CIROZ: variants seen among roughly 807,000 people sequenced by gnomAD.
The protein encoded by CIROZ is ciliated left-right organizer protein containing ZP-N domains.
At chr1:10,955,213 G>A in the CIROZ span, 1 of 1,570,748 alleles carries the variant, frequency 6.4e-7, no homozygotes, top group Non-Finnish European at 8.7e-7. Flanking sequence ...ACAGGACACA[G>A]AAAAAGGCAC....
At chr1:10,949,514 G>A in the CIROZ span, 1 of 1,210,652 alleles carries the variant, frequency 8.3e-7, no homozygotes, top group South Asian at 1.3e-5. Flanking sequence ...CTCTTTGGAA[G>A]AATGGTGGTG....
chr1:10,957,875 T>C, the CIROZ span: 2 of 1,177,072 alleles, frequency 1.7e-6, no homozygotes, highest in Non-Finnish European at 1.2e-6. Context: ...GAGGATAATC[T>C]AGGCCAGGAG....
chr1:10,981,951 G>A, the CIROZ span: 109 of 1,526,952 alleles, frequency 7.1e-5, no homozygotes, highest in Non-Finnish European at 9.1e-5. Flanking sequence ...CTTCTTCAAG[G>A]AGTGTGGGCA....
At chr1:10,969,722 G>A in the CIROZ span, among the ~76,000 whole-genome samples, 1 of 152,206 alleles carries the variant, frequency 6.6e-6, no homozygotes, top group Non-Finnish European at 1.5e-5. Context: ...GAAGAGGGGC[G>A]CAGATGACAA....
the CIROZ span, among the ~76,000 whole-genome samples, chr1:10,970,815 A>T: frequency 6.6e-6 from 1 of 151,362 alleles, no homozygotes; most frequent in Non-Finnish European, 1.5e-5. Flanking sequence ...TATGTTTTAT[A>T]GGGGGAGACA....
At chr1:10,948,663 T>C in the CIROZ span, 2 of 1,612,686 alleles carry the variant, frequency 1.2e-6, no homozygotes, top group Non-Finnish European at 8.5e-7. Flanking sequence ...GGGACTAGCC[T>C]GGACACCCTC....
chr1:10,966,612 TAGCAG>T, the CIROZ span: 4 of 1,045,222 alleles, frequency 3.8e-6, no homozygotes, highest in Non-Finnish European at 5.2e-6. Flanking sequence ...GGGATAAAAA[TAGCAG>T]TAATTTTTAA....
the CIROZ span, among the ~76,000 whole-genome samples, chr1:10,967,846 C>G: frequency 6.6e-6 from 1 of 152,146 alleles, no homozygotes; most frequent in Non-Finnish European, 1.5e-5. Flanking sequence ...TGGTGGCAGG[C>G]ACCTGTAGTC....
the CIROZ span, among the ~76,000 whole-genome samples, chr1:10,977,142 A>T: frequency 6.6e-6 from 1 of 151,978 alleles, no homozygotes; most frequent in African/African-American, 2.4e-5. Context: ...CTGGAGGACT[A>T]CAGTGAGACC....
the CIROZ span, among the ~76,000 whole-genome samples, chr1:10,979,311 A>G: frequency 2.0e-5 from 3 of 152,148 alleles, no homozygotes; most frequent in African/African-American, 7.2e-5. Flanking sequence ...CTCACATTTT[A>G]AAAGACTCTT....
the CIROZ span, among the ~76,000 whole-genome samples, chr1:10,958,134 C>G: frequency 6.6e-6 from 1 of 152,126 alleles, no homozygotes; most frequent in South Asian, 2.1e-4. Flanking sequence ...GAATCAGGGT[C>G]TTGAATAAAG....
chr1:10,978,717 A>C, the CIROZ span, among the ~76,000 whole-genome samples: 48 of 152,206 alleles, frequency 3.2e-4, 1 homozygote, highest in East Asian at 8.3e-3. Flanking sequence ...CTCAAAAAAA[A>C]AGAAAGAGTC....
the CIROZ span, among the ~76,000 whole-genome samples, chr1:10,967,451 C>A: frequency 6.6e-6 from 1 of 152,196 alleles, no homozygotes; most frequent in Admixed American, 6.5e-5. Context: ...TGAAGCCCAC[C>A]CTGACTACCC....
the CIROZ span, chr1:10,948,627 G>A: frequency 4.6e-5 from 75 of 1,613,878 alleles, no homozygotes; most frequent in East Asian, 4.5e-5. Flanking sequence ...AGCCGGGTGC[G>A]TTGGCAAGAC....
At chr1:10,957,994 C>A in the CIROZ span, among the ~76,000 whole-genome samples, 4 of 152,216 alleles carry the variant, frequency 2.6e-5, no homozygotes, top group African/African-American at 9.6e-5. Context: ...AGGTGTACAA[C>A]GCAACTGAAA....
the CIROZ span, among the ~76,000 whole-genome samples, chr1:10,958,215 G>C: frequency 4.6e-5 from 7 of 152,220 alleles, no homozygotes; most frequent in Non-Finnish European, 1.0e-4. Flanking sequence ...CTGGCAGGGA[G>C]ACATCAGGAA....
the CIROZ span, chr1:10,949,581 C>T: frequency 3.2e-6 from 5 of 1,565,722 alleles, no homozygotes; most frequent in African/African-American, 1.4e-5. Context: ...GGACCAGACT[C>T]TTTGGAGGAA....
chr1:10,962,779 T>C, the CIROZ span, among the ~76,000 whole-genome samples: 1 of 152,214 alleles, frequency 6.6e-6, no homozygotes, highest in Non-Finnish European at 1.5e-5. Context: ...TGAGTTAATA[T>C]TTGCAAAGTG....
At chr1:10,955,110 G>T in the CIROZ span, 2 of 1,614,060 alleles carry the variant, frequency 1.2e-6, no homozygotes, top group Non-Finnish European at 8.5e-7. Context: ...TTTCCTCAAT[G>T]TAGGAACCTC....
Sources: allele counts gnomAD v4.1 joint callset (sites outside exome capture counted in the v4.1 genomes callset), GRCh38; gene constraint gnomAD v4.1.1; transcripts MANE v1.5; gene names NCBI Gene and HGNC (gene_info 2026-07-23, HGNC 2026-07-21).